JMJD1C: variants seen among roughly 807,000 people sequenced by gnomAD.
JMJD1C encodes jumonji domain containing 1C.
JMJD1C carries 31 observed loss-of-function variants against 245.3 expected under a neutral mutation model. That is an observed-to-expected ratio of 0.13 (90% confidence interval 0.09 to 0.17). The LOEUF is 0.17. Among genes scored for constraint, JMJD1C ranks in the 10% least tolerant of loss-of-function variants. The probability of loss-of-function intolerance (pLI) is 1.00; values close to 1 mark genes in which losing one functional copy is unlikely to be tolerated. For synonymous variants in JMJD1C, 1,057 were observed against 1,017.4 expected (o/e 1.04, Z -0.74); for missense variants, 2,691 against 3,000.2 (o/e 0.90, Z 2.41).
chr10:63,260,853 A>G (rs182268117), intron 3 of JMJD1C, among the ~76,000 whole-genome samples: 426 of 152,228 alleles, frequency 2.8e-3, no homozygotes, highest in Non-Finnish European at 4.1e-3. Context: ...GGCTTCTCAA[A>G]GTGCTGGGAT....
intron 1 of JMJD1C, among the ~76,000 whole-genome samples, chr10:63,514,991 G>A (rs1439233328): frequency 1.3e-5 from 2 of 151,766 alleles, no homozygotes; most frequent in Non-Finnish European, 2.9e-5. Flanking sequence ...GTTTTGTAAT[G>A]CAGTACTAGG....
chr10:63,251,479 G>T (rs911704614), intron 3 of JMJD1C, among the ~76,000 whole-genome samples: 5 of 152,030 alleles, frequency 3.3e-5, no homozygotes, highest in Non-Finnish European at 7.4e-5. Flanking sequence ...TAAATAACTA[G>T]GTCTAGACAG....
intron 1 of JMJD1C, among the ~76,000 whole-genome samples, chr10:63,425,163 T>C (rs946847595): frequency 1.3e-5 from 2 of 152,136 alleles, no homozygotes; most frequent in African/African-American, 4.8e-5. Flanking sequence ...TGAAGTAAAA[T>C]ATAGGTATAA....
At chr10:63,463,983 T>A (rs1196280478) in intron 1 of JMJD1C, among the ~76,000 whole-genome samples, 4 of 150,560 alleles carry the variant, frequency 2.7e-5, no homozygotes, top group African/African-American at 7.3e-5. Flanking sequence ...TATATACAAA[T>A]TTTTTTTTTC....
At chr10:63,500,977 T>C (rs891470633) in intron 1 of JMJD1C, among the ~76,000 whole-genome samples, 3 of 152,212 alleles carry the variant, frequency 2.0e-5, no homozygotes, top group Admixed American at 6.5e-5. Flanking sequence ...ACTTTAAAAT[T>C]ATAACACGAA....
intron 2 of JMJD1C, among the ~76,000 whole-genome samples, chr10:63,292,475 G>T (rs1858893917): frequency 6.6e-6 from 1 of 151,776 alleles, no homozygotes; most frequent in Non-Finnish European, 1.5e-5. Context: ...GCTACACATG[G>T]TGTTGCATGC....
rs768017076 is a variant in JMJD1C, at chr10:63,217,162, T to A, written c.678+45A>T. ...ATGTATTTTGGGGGGCATGGATGATTTGAACTTTTAAAATCTCTATAAAAA... is the reference window on the plus strand; with the variant it reads ...ATGTATTTTGGGGGGCATGGATGATATGAACTTTTAAAATCTCTATAAAAA... On this transcript the variant is annotated intron_variant, in intron 5 of 25. Coordinates refer to ENST00000399262, the MANE Select transcript of JMJD1C (RefSeq NM_032776.3). The A allele has an allele frequency of 4.5e-6, 7 of 1,555,060 alleles. No homozygotes were observed. The African/African-American group carries it at 6.8e-5, about 15-fold the overall frequency.
intron 2 of JMJD1C, among the ~76,000 whole-genome samples, chr10:63,351,483 T>A (rs557839910): frequency 6.6e-6 from 1 of 152,326 alleles, no homozygotes; most frequent in African/African-American, 2.4e-5. Flanking sequence ...TCTATTATAA[T>A]TCCTAGACAA....
rs193180806 is a variant in JMJD1C, at chr10:63,460,193, A to G, written c.168+5302T>C. 9.2e-5 allele frequency among the ~76,000 whole-genome samples: 14 copies of G among 152,312 alleles called. No homozygotes were observed. In the East Asian group the frequency reaches 1.3e-3, roughly 15 times the overall value. On this transcript the variant is annotated intron_variant, in intron 1 of 25. Coordinates refer to ENST00000399262, the MANE Select transcript of JMJD1C (RefSeq NM_032776.3). ...TGCGGAGGGGAAGGTACACAGTGCCATAAGAGAAACAAAAAATTTACAATT... is the reference window on the plus strand; with the variant it reads ...TGCGGAGGGGAAGGTACACAGTGCCGTAAGAGAAACAAAAAATTTACAATT...
chr10:63,247,551 G>C (rs1852378205), intron 3 of JMJD1C, among the ~76,000 whole-genome samples: 2 of 151,804 alleles, frequency 1.3e-5, no homozygotes, highest in African/African-American at 4.8e-5. Context: ...GACCAGCCTG[G>C]CCAACATGGT....
intron 1 of JMJD1C, among the ~76,000 whole-genome samples, chr10:63,520,015 T>C (rs770935026): frequency 2.0e-5 from 3 of 152,140 alleles, no homozygotes; most frequent in Non-Finnish European, 2.9e-5. Flanking sequence ...AAATGCAAAT[T>C]ATTACTCAAA....
chr10:63,414,938 G>GAAA (rs11438680), intron 1 of JMJD1C, among the ~76,000 whole-genome samples: 1 of 142,088 alleles, frequency 7.0e-6, no homozygotes. Context: ...CAACACTAGA[G>GAAA]AAAAAAAAAA....
intron 15 of JMJD1C, 50 bp downstream of exon 15, chr10:63,193,295 G>C: frequency 6.5e-7 from 1 of 1,527,278 alleles, no homozygotes; most frequent in South Asian, 1.2e-5. Context: ...TATCAAAGTT[G>C]ACTAATTTAA....
At chr10:63,410,416 A>G (rs1424323833) in intron 1 of JMJD1C, among the ~76,000 whole-genome samples, 1 of 152,198 alleles carries the variant, frequency 6.6e-6, no homozygotes, top group African/African-American at 2.4e-5. Context: ...GGTTACTGTT[A>G]ATACTGTGAA....
intron 2 of JMJD1C, among the ~76,000 whole-genome samples, chr10:63,281,174 G>A (rs1184460670): frequency 1.1e-4 from 15 of 136,726 alleles, no homozygotes; most frequent in Admixed American, 6.4e-4. Context: ...TCGCTCTGTC[G>A]CCCACGCTGA....
chr10:63,333,791 G>A (rs1382157216), intron 2 of JMJD1C, among the ~76,000 whole-genome samples: 4 of 152,102 alleles, frequency 2.6e-5, no homozygotes. Flanking sequence ...ACTTAAAATT[G>A]TCAGAGACTT....
At chr10:63,309,494 CA>C (rs71025153) in intron 2 of JMJD1C, among the ~76,000 whole-genome samples, 5,344 of 49,136 alleles carry the variant, frequency 0.11, 35 homozygotes, top group East Asian at 0.29. Flanking sequence ...GACTCCATCT[CA>C]AAAAAAAAAA....
intron 1 of JMJD1C, among the ~76,000 whole-genome samples, chr10:63,401,814 C>T (rs952626205): frequency 2.0e-5 from 3 of 151,922 alleles, no homozygotes; most frequent in Non-Finnish European, 2.9e-5. Flanking sequence ...AAAGCAGAGC[C>T]TTCATGTATA....
intron 3 of JMJD1C, among the ~76,000 whole-genome samples, chr10:63,249,948 T>C (rs190311823): frequency 2.6e-5 from 4 of 152,256 alleles, no homozygotes; most frequent in African/African-American, 7.2e-5. Flanking sequence ...TTAGAAATTA[T>C]ATAAATGTAT....
Sources: allele counts gnomAD v4.1 joint callset (sites outside exome capture counted in the v4.1 genomes callset), GRCh38; gene constraint gnomAD v4.1.1; transcripts MANE v1.5; gene names NCBI Gene and HGNC (gene_info 2026-07-23, HGNC 2026-07-21).